Variants in USP39 observed in about 807,000 individuals in gnomAD.
USP39 encodes ubiquitin specific peptidase 39, also known as ubiquitin carboxyl-terminal hydrolase 39.
Under a neutral mutation model 66.4 loss-of-function variants are expected in USP39, and 38 were observed. That is an observed-to-expected ratio of 0.57 (90% CI 0.44 to 0.75). USP39 has a LOEUF of 0.75. Ranked by LOEUF, USP39 falls within the 30% of genes least tolerant of loss-of-function variation. USP39 has a pLI of 0.00. For missense variants in USP39, 608 were observed against 714.4 expected, an observed-to-expected ratio of 0.85 and a Z score of 1.70; for synonymous variants, 303 against 274.6, an observed-to-expected ratio of 1.10 and a Z score of -1.02.
At chr2:85,621,626 T>C (rs771724276) in intron 3 of USP39, 47 bp downstream of exon 3, 2 of 354,620 alleles carry the variant, frequency 5.6e-6, no homozygotes, top group Non-Finnish European at 7.0e-6. Flanking sequence ...CAGAGGGACT[T>C]TTTTTTTTTT....
chr2:85,634,322 C>A (rs1184844756), intron 6 of USP39, among the ~76,000 whole-genome samples: 1 of 151,910 alleles, frequency 6.6e-6, no homozygotes, highest in Non-Finnish European at 1.5e-5. Flanking sequence ...GCCTGTAATC[C>A]CAGCACTTTG....
Position 85,623,787 on chromosome 2 carries a change from G to T in USP39, c.570+5G>T, listed in dbSNP as rs1427646126. The T allele has an allele frequency of 1.9e-6, 3 of 1,607,680 alleles. No individual in the cohort carries two copies. Among genetic ancestry groups the T allele is most frequent in the Non-Finnish European group, 1.7e-6 (2 of 1,177,286 alleles). ...TCCTCATTGGAGGATATCACGGTGT[G>T]TGTCTAAGAGGGTTGGTTTGGGGTC... On this transcript the variant is annotated splice_donor_5th_base_variant and intron_variant, in intron 4 of 12. Coordinates refer to ENST00000323701, the MANE Select transcript of USP39 (RefSeq NM_006590.4).
In USP39 at chr2:85,645,551, G is replaced by A. The variant is rs576713344; in HGVS notation, c.1563+468G>A. ...CCCACCTCGGCCTCCCAAAGTGTTG[G>A]GATTACAGGCGTGAGCCACCGCGCC... On this transcript the variant is annotated intron_variant, in intron 11 of 12. Transcript: ENST00000323701. 2.7e-3 allele frequency among the ~76,000 whole-genome samples: 412 copies of A among 152,186 alleles called. 4 individuals carry two copies. Among genetic ancestry groups the A allele is most frequent in the African/African-American group, 9.6e-3 (397 of 41,540 alleles).
At position 85,636,101 on chromosome 2, in the gene USP39, C is replaced by T; in HGVS notation, c.998C>T (p.Ala333Val). 1 of 1,614,074 alleles carries T rather than the reference C, an allele frequency of 6.2e-7. No individual in the cohort carries two copies. The highest frequency in any genetic ancestry group is 8.5e-7 in the Non-Finnish European group (1 of 1,180,000). The change falls in exon 7 of 13, where the codon GCT (alanine) becomes GTT (valine). Residue 333 changes from alanine to valine, a missense_variant. Ala to Val is a moderately conservative substitution (Grantham distance 64). Coordinates refer to ENST00000323701, the MANE Select transcript of USP39 (RefSeq NM_006590.4). ...TGGTTTCTGAATGCTCTGCACTCAG[C>T]TCTGGGGGGCACAAAGAAGAAAAAG... ...LSWFLNALHS[A>V]LGGTKKKKKT...
chr2:85,611,525 T>G, upstream of USP39: 4 of 1,550,856 alleles, frequency 2.6e-6, no homozygotes, highest in Non-Finnish European at 2.6e-6. Flanking sequence ...CAGCGGAGAT[T>G]TGGGAGCGCT....
upstream of USP39, among the ~76,000 whole-genome samples, chr2:85,613,101 T>C (rs1156362859): frequency 6.6e-6 from 1 of 152,160 alleles, no homozygotes; most frequent in Non-Finnish European, 1.5e-5. Flanking sequence ...GGCTCATGTC[T>C]GTAATTCCAA....
Position 85,648,813 on chromosome 2 carries a change from G to A in USP39, c.*5G>A. 10 of 1,614,110 alleles carry A rather than the reference G, an allele frequency of 6.2e-6. No homozygotes were observed. The highest frequency in any genetic ancestry group is 8.5e-6 in the Non-Finnish European group (10 of 1,180,004). On this transcript the variant is annotated 3_prime_UTR_variant, in exon 13 of 13. Coordinates refer to ENST00000323701, the MANE Select transcript of USP39 (RefSeq NM_006590.4). Reference sequence around the variant, plus strand: ...ACCAACCAGCAGGGGGCTTGAAGGAGGCGTCTAGGGCTTTGCTCCCAAGGG... The same window carrying A: ...ACCAACCAGCAGGGGGCTTGAAGGAAGCGTCTAGGGCTTTGCTCCCAAGGG...
chr2:85,620,366 C>T (rs1453043263), intron 2 of USP39, among the ~76,000 whole-genome samples: 1 of 151,596 alleles, frequency 6.6e-6, no homozygotes, highest in East Asian at 1.9e-4. Context: ...GTAGTCCCAG[C>T]TTCTTGGGGG....
intron 6 of USP39, 75 bp downstream of exon 6, chr2:85,631,021 A>T: frequency 4.9e-6 from 6 of 1,230,610 alleles, no homozygotes; most frequent in African/African-American, 1.5e-5. Flanking sequence ...TTGGCAGTGA[A>T]TTTTTTTTTT....
At chr2:85,609,893 C>G (rs1404215573), upstream of USP39, among the ~76,000 whole-genome samples, 1 of 151,816 alleles carries the variant, frequency 6.6e-6, no homozygotes, top group African/African-American at 2.4e-5. Context: ...GTTGGCCAGG[C>G]TGGTCTCAAA....
At chr2:85,612,151 C>T, upstream of USP39, 1 of 881,354 alleles carries the variant, frequency 1.1e-6, no homozygotes, top group Non-Finnish European at 1.7e-6. Context: ...GTTTTCGGGT[C>T]TGGTCGGGTC....
At chr2:85,617,426 T>C (rs1269117373) in intron 1 of USP39, among the ~76,000 whole-genome samples, 2 of 152,208 alleles carry the variant, frequency 1.3e-5, no homozygotes, top group African/African-American at 4.8e-5. Flanking sequence ...ACTGCGACCA[T>C]TGCCTGACTG....
upstream of USP39, chr2:85,611,174 C>G (rs1200124678): frequency 1.0e-6 from 1 of 996,678 alleles, no homozygotes; most frequent in African/African-American, 1.8e-5. Context: ...CACCATTGCA[C>G]TCCAGCCTGG....
chr2:85,616,475 C>G lies in USP39; in HGVS notation c.268+12C>G. On this transcript the variant is annotated intron_variant, in intron 1 of 12. Transcript: ENST00000323701. Reference sequence around the variant, plus strand: ...GCGGGAGGTGCGAGGTGCGCGGGGCCGGGCCGGGCTAGGCGCGAGAGCCTG... The same window carrying G: ...GCGGGAGGTGCGAGGTGCGCGGGGCGGGGCCGGGCTAGGCGCGAGAGCCTG... 4 of 1,346,492 alleles carry G rather than the reference C, an allele frequency of 3.0e-6. No homozygotes were observed. The highest frequency in any genetic ancestry group is 3.9e-6 in the Non-Finnish European group (4 of 1,022,922). 83.4% of individuals were successfully genotyped at this position (1,346,492 alleles called of 1,614,324 possible).
At chr2:85,636,172 T>C in intron 7 of USP39, 42 bp downstream of exon 7, 1 of 1,599,344 alleles carries the variant, frequency 6.3e-7, no homozygotes. Flanking sequence ...TTGTTCCCTT[T>C]TAAAAAACTT....
chr2:85,644,586 C>T (rs926222412), intron 10 of USP39, among the ~76,000 whole-genome samples: 2 of 151,928 alleles, frequency 1.3e-5, no homozygotes, highest in African/African-American at 4.8e-5. Flanking sequence ...CATGTACCAC[C>T]ATGCCTGGCT....
At position 85,645,045 on chromosome 2, in the gene USP39, C is replaced by T. The variant is rs770193348; in HGVS notation, c.1525C>T (p.Pro509Ser). The T allele has an allele frequency of 1.2e-6, 2 of 1,614,158 alleles. No homozygotes were observed. Among genetic ancestry groups the T allele is most frequent in the Non-Finnish European group, 1.7e-6 (2 of 1,180,028 alleles). The change falls in exon 11 of 13, where the codon CCC becomes TCC. Residue 509 changes from proline to serine, a missense_variant. By Grantham distance (74) the Pro-to-Ser change is moderately conservative. Coordinates refer to ENST00000323701, the MANE Select transcript of USP39 (RefSeq NM_006590.4). ...TGCCAACATCGTGCATGACGGCAAG[C>T]CCTCCGAGGGCTCCTACCGGATCCA... ...LIANIVHDGK[P>S]SEGSYRIHVL...
chr2:85,629,445 A>G (rs1324280407), intron 5 of USP39, among the ~76,000 whole-genome samples: 1 of 151,710 alleles, frequency 6.6e-6, no homozygotes, highest in Non-Finnish European at 1.5e-5. Flanking sequence ...TTTCTGCTTA[A>G]TGAGATACAA....
upstream of USP39, among the ~76,000 whole-genome samples, chr2:85,614,053 G>A (rs1194351443): frequency 6.6e-6 from 1 of 152,028 alleles, no homozygotes; most frequent in Non-Finnish European, 1.5e-5. Context: ...ATAAGTGTGA[G>A]CCACCGTACT....
Sources: gnomAD v4.1 joint callset for allele counts (sites outside exome capture counted in the v4.1 genomes callset) on GRCh38, gnomAD v4.1.1 for gene constraint, MANE v1.5 for transcripts, NCBI Gene and HGNC (gene_info 2026-07-23, HGNC 2026-07-21) for gene names.